Variants in ARHGAP42 observed in about 807,000 individuals in gnomAD.
ARHGAP42 encodes the protein rho GTPase-activating protein 42.
ARHGAP42 carries 63 observed loss-of-function variants against 125.0 expected under a neutral mutation model. That is an observed-to-expected ratio of 0.50 (90% CI 0.41 to 0.62). The LOEUF (loss-of-function observed/expected upper bound fraction) is 0.62. ARHGAP42 is among the 20% of genes least tolerant of loss of function. ARHGAP42 has a pLI of 0.00. For synonymous variants in ARHGAP42, 339 were observed against 351.0 expected (o/e 0.97, Z 0.38); for missense variants, 766 against 1,024.2 (o/e 0.75, Z 3.44).
intron 1 of ARHGAP42, among the ~76,000 whole-genome samples, chr11:100,691,482 A>G (rs2120167448): frequency 6.6e-6 from 1 of 152,318 alleles, no homozygotes; most frequent in Non-Finnish European, 1.5e-5. Context: ...AAGAGAATAG[A>G]CAGAAATAAA....
At chr11:100,765,556 G>T (rs1862810492) in intron 1 of ARHGAP42, among the ~76,000 whole-genome samples, 1 of 152,152 alleles carries the variant, frequency 6.6e-6, no homozygotes, top group African/African-American at 2.4e-5. Context: ...TATATTAAAT[G>T]CTTACAGAAG....
chr11:100,851,130 C>T (rs998034040), intron 3 of ARHGAP42, among the ~76,000 whole-genome samples: 2 of 152,032 alleles, frequency 1.3e-5, no homozygotes, highest in African/African-American at 2.4e-5. Flanking sequence ...GATCCACCCA[C>T]CTCGGCCTCC....
At chr11:100,694,444 TC>T (rs148245300) in intron 1 of ARHGAP42, among the ~76,000 whole-genome samples, 2,089 of 147,040 alleles carry the variant, frequency 0.014, 61 homozygotes, top group African/African-American at 0.054. Context: ...AAAGTCACTT[TC>T]ATGAATGCTG....
chr11:100,709,759 A>G (rs1220617525), intron 1 of ARHGAP42, among the ~76,000 whole-genome samples: 1 of 152,262 alleles, frequency 6.6e-6, no homozygotes, highest in Non-Finnish European at 1.5e-5. Flanking sequence ...GTTGACATAC[A>G]AAATGTAAGT....
chr11:100,982,306 T>C (rs1459784801), intron 22 of ARHGAP42, among the ~76,000 whole-genome samples: 1 of 152,170 alleles, frequency 6.6e-6, no homozygotes, highest in Admixed American at 6.5e-5. Context: ...GGAGGGACCA[T>C]GCTGCAAGAC....
At chr11:100,737,345 T>C (rs1264076764) in intron 1 of ARHGAP42, among the ~76,000 whole-genome samples, 2 of 152,202 alleles carry the variant, frequency 1.3e-5, no homozygotes, top group Admixed American at 6.5e-5. Context: ...AGAAGATGCT[T>C]ATTTTGGAAG....
intron 3 of ARHGAP42, among the ~76,000 whole-genome samples, chr11:100,834,379 T>G (rs769165393): frequency 1.3e-5 from 2 of 152,184 alleles, no homozygotes; most frequent in Non-Finnish European, 2.9e-5. Flanking sequence ...AGTCTACCTA[T>G]GTCCTTTTGA....
chr11:100,805,497 G>T (rs1863966815), intron 3 of ARHGAP42, among the ~76,000 whole-genome samples: 1 of 152,078 alleles, frequency 6.6e-6, no homozygotes, highest in Non-Finnish European at 1.5e-5. Flanking sequence ...CCCAAGAGAG[G>T]GTTCTTGGAC....
intron 5 of ARHGAP42, among the ~76,000 whole-genome samples, chr11:100,916,581 T>G (rs1867071667): frequency 6.6e-6 from 1 of 152,148 alleles, no homozygotes; most frequent in Non-Finnish European, 1.5e-5. Flanking sequence ...ATAATATCTA[T>G]TGTTAGTGAA....
chr11:100,816,037 C>T (rs935774740), intron 3 of ARHGAP42, among the ~76,000 whole-genome samples: 2 of 152,012 alleles, frequency 1.3e-5, no homozygotes, highest in African/African-American at 4.8e-5. Flanking sequence ...ATATTTTGTT[C>T]ATCTATTTAT....
At chr11:100,706,460 A>T (rs1482480725) in intron 1 of ARHGAP42, among the ~76,000 whole-genome samples, 1 of 152,188 alleles carries the variant, frequency 6.6e-6, no homozygotes, top group Admixed American at 6.5e-5. Context: ...GTGAAGACAA[A>T]TATCATTGTG....
chr11:100,871,865 G>A (rs973218419), intron 4 of ARHGAP42, among the ~76,000 whole-genome samples: 2 of 152,012 alleles, frequency 1.3e-5, no homozygotes, highest in African/African-American at 2.4e-5. Flanking sequence ...TGCTTCAGCC[G>A]CCTGAGTAGC....
intron 3 of ARHGAP42, among the ~76,000 whole-genome samples, chr11:100,811,531 G>C (rs1476237833): frequency 1.3e-5 from 2 of 148,818 alleles, no homozygotes; most frequent in Non-Finnish European, 3.0e-5. Context: ...TGGAGATGGA[G>C]TCTTGCTCTG....
At position 100,783,262 on chromosome 11, in the gene ARHGAP42, T is replaced by TC. The variant is rs202108722; in HGVS notation, c.251-11841dup. On this transcript the variant is annotated intron_variant, in intron 2 of 23. Transcript: ENST00000298815. ...ACCAGCCTGGGGAATATGGGGAAAC[T>TC]CCATCTCTACTAAAAATACAAAAAT... is the stretch of plus-strand genomic sequence containing the variant. Among the ~76,000 whole-genome samples, 228 of 152,148 alleles carry TC rather than the reference T, an allele frequency of 1.5e-3. 5 individuals are homozygous for TC. In the East Asian group the frequency reaches 0.039, roughly 26 times the overall value.
rs550446708 is a variant in ARHGAP42, at chr11:100,912,814, T to C, written c.385-638T>C. ...AACAAAGGTCGGCTATTAAGAGTTA[T>C]GTTCAGAGTTTATGGTACAGAGGTT... is the stretch of plus-strand genomic sequence containing the variant. On this transcript the variant is annotated intron_variant, in intron 4 of 23. Transcript: ENST00000298815. Among the ~76,000 whole-genome samples, 258 of 152,306 alleles carry C rather than the reference T, an allele frequency of 1.7e-3. 2 individuals carry two copies. The highest frequency in any genetic ancestry group is 3.4e-3 in the Middle Eastern group (1 of 294).
At chr11:100,910,138 G>T in intron 4 of ARHGAP42, among the ~76,000 whole-genome samples, 1 of 151,918 alleles carries the variant, frequency 6.6e-6, no homozygotes, top group Non-Finnish European at 1.5e-5. Context: ...GCTAGAATTG[G>T]GTCTGAGAAC....
At chr11:100,918,879 G>A (rs964546870) in intron 5 of ARHGAP42, among the ~76,000 whole-genome samples, 1 of 152,060 alleles carries the variant, frequency 6.6e-6, no homozygotes, top group Non-Finnish European at 1.5e-5. Flanking sequence ...GGGGCAAGTG[G>A]GATGAGACTG....
chr11:100,982,218 A>G (rs1228046127), intron 22 of ARHGAP42, among the ~76,000 whole-genome samples: 1 of 152,204 alleles, frequency 6.6e-6, no homozygotes, highest in Non-Finnish European at 1.5e-5. Flanking sequence ...AAAATGGTTT[A>G]GGAGATCAGG....
intron 7 of ARHGAP42, 113 bp downstream of exon 7, chr11:100,933,373 C>T: frequency 1.6e-6 from 1 of 639,990 alleles, no homozygotes; most frequent in Non-Finnish European, 2.4e-6. Flanking sequence ...CCCACAAAAC[C>T]CTAATCTTAG....
Sources: allele counts gnomAD v4.1 joint callset (sites outside exome capture counted in the v4.1 genomes callset), GRCh38; gene constraint gnomAD v4.1.1; transcripts MANE v1.5; gene names NCBI Gene and HGNC (gene_info 2026-07-23, HGNC 2026-07-21).